Variants in GPNMB observed in about 807,000 individuals in gnomAD.
The protein encoded by GPNMB is glycoprotein nmb.
A neutral mutation model predicts 57.3 loss-of-function variants in GPNMB; 71 were observed. That is an observed-to-expected ratio of 1.24 (90% CI 1.02 to 1.51). The LOEUF (loss-of-function observed/expected upper bound fraction) is 1.51. Among genes scored for constraint, GPNMB ranks in the 40% most tolerant of loss-of-function variants. GPNMB has a pLI of 0.00. For missense variants in GPNMB, 677 were observed against 691.9 expected (o/e 0.98, Z 0.24); for synonymous variants, 253 against 263.2 (o/e 0.96, Z 0.38).
intron 2 of GPNMB, among the ~76,000 whole-genome samples, chr7:23,253,906 C>T (rs1343337330): frequency 6.6e-6 from 1 of 152,148 alleles, no homozygotes; most frequent in Non-Finnish European, 1.5e-5. Flanking sequence ...CTCCTTAACC[C>T]AACAGAGCTG....
chr7:23,260,666 T>C lies in GPNMB; in HGVS notation c.911T>C (p.Val304Ala), dbSNP rs1295470064. Residue 304 changes from valine (V) to alanine (A), a missense_variant, in exon 6 of 11, where the codon GTG becomes GCG. By Grantham distance (64) the Val-to-Ala change is moderately conservative. Transcript: ENST00000258733. The part of the protein sequence containing the change: ...STNHTVNHTY[V>A]LNGTFSLNLT... ...AATCATACTGTGAATCACACGTATG[T>C]GCTCAATGGAACCTTCAGCCTTAAC... The C allele has an allele frequency of 1.2e-6, 2 of 1,613,672 alleles. No individual in the cohort carries two copies. Among genetic ancestry groups the C allele is most frequent in the Non-Finnish European group, 1.7e-6 (2 of 1,179,686 alleles).
rs752196954 is a variant in GPNMB, at chr7:23,269,956, C to G, written c.1221-11C>G. The G allele has an allele frequency of 3.1e-6, 5 of 1,610,796 alleles. No individual in the cohort carries two copies. In the East Asian group the frequency reaches 1.1e-4, roughly 36 times the overall value. On this transcript the variant is annotated splice_polypyrimidine_tract_variant and intron_variant, in intron 8 of 10. Coordinates refer to ENST00000258733, the MANE Select transcript of GPNMB (RefSeq NM_002510.3). ...TGCCCTGTGCGCCCTCGCCCACCTCCCCTGTCGCAGCATTCCCACGGAGGT... is the reference window on the plus strand; with the variant it reads ...TGCCCTGTGCGCCCTCGCCCACCTCGCCTGTCGCAGCATTCCCACGGAGGT...
At chr7:23,254,499 T>C (rs1196586873) in intron 3 of GPNMB, among the ~76,000 whole-genome samples, 187 bp downstream of exon 3, 1 of 152,206 alleles carries the variant, frequency 6.6e-6, no homozygotes, top group African/African-American at 2.4e-5. Context: ...CAGCCAGACC[T>C]ACTGCAGCAA....
At chr7:23,273,292 TCTCCCC>T in intron 9 of GPNMB, 1 of 484,910 alleles carries the variant, frequency 2.1e-6, no homozygotes, top group South Asian at 2.8e-5. Context: ...ACGTGACATC[TCTCCCC>T]CGCGCCCTTA....
Position 23,260,131 on chromosome 7 carries a change from G to A in GPNMB, c.693G>A (p.Val231=), listed in dbSNP as rs142690489. The A allele has an allele frequency of 5.9e-5, 96 of 1,613,846 alleles. 1 individual carries two copies. The highest frequency in any genetic ancestry group is 5.0e-4 in the Admixed American group (30 of 60,012). The change falls in exon 5 of 11, where the codon GTG becomes GTA. Residue 231 remains valine, a synonymous_variant. Transcript: ENST00000258733. ...TCGCACAAGTGAAAGATGTGTACGT[G>A]GTAACAGGTGAGTGGTGTGAACTCT... ...VPIAQVKDVY[V]VTDQIPVFVT... is the part of the protein sequence containing the mutation.
At chr7:23,255,465 A>C (rs1782754724) in intron 3 of GPNMB, among the ~76,000 whole-genome samples, 1 of 152,204 alleles carries the variant, frequency 6.6e-6, no homozygotes, top group African/African-American at 2.4e-5. Context: ...ATTGATGGAT[A>C]CTTAATTTGG....
At chr7:23,268,281 A>G (rs892777764) in intron 8 of GPNMB, among the ~76,000 whole-genome samples, 19 of 152,306 alleles carry the variant, frequency 1.2e-4, no homozygotes, top group South Asian at 4.1e-4. Flanking sequence ...CTGTTCTCAT[A>G]TTGAATCCTC....
chr7:23,272,590 G>A (rs1783236726), intron 9 of GPNMB, among the ~76,000 whole-genome samples: 1 of 152,188 alleles, frequency 6.6e-6, no homozygotes. Context: ...GGGTTTCAAA[G>A]GCAGAATTTC....
chr7:23,265,409 T>C (rs113830119), intron 6 of GPNMB, among the ~76,000 whole-genome samples: 5,514 of 152,298 alleles, frequency 0.036, 299 homozygotes, highest in African/African-American at 0.12. Flanking sequence ...TCTTTCTAGA[T>C]TTTTTATCTT....
chr7:23,263,482 A>G (rs1333488320), intron 6 of GPNMB, among the ~76,000 whole-genome samples: 1 of 151,634 alleles, frequency 6.6e-6, no homozygotes, highest in Non-Finnish European at 1.5e-5. Flanking sequence ...TGTGGTGGAG[A>G]GTGTCTGTAA....
Position 23,254,790 on chromosome 7 carries a change from A to G in GPNMB, c.367+478A>G, listed in dbSNP as rs150746655. Among the ~76,000 whole-genome samples, 440 of 152,296 alleles carry G rather than the reference A, an allele frequency of 2.9e-3. 5 individuals are homozygous for G. The highest frequency in any genetic ancestry group is 0.019 in the Admixed American group (288 of 15,306). ...GGTTTTGCTTTGCTCTTAGTGAAAG[A>G]AATAAGCTCTCTATCTATGTTAAAG... On this transcript the variant is annotated intron_variant, in intron 3 of 10. Transcript: ENST00000258733.
At chr7:23,254,904 C>T (rs1782740688) in intron 3 of GPNMB, among the ~76,000 whole-genome samples, 1 of 152,164 alleles carries the variant, frequency 6.6e-6, no homozygotes, top group Non-Finnish European at 1.5e-5. Flanking sequence ...GATACCATGG[C>T]TCATGCCTGT....
At chr7:23,268,399 C>G (rs1464015570) in intron 8 of GPNMB, among the ~76,000 whole-genome samples, 1 of 152,158 alleles carries the variant, frequency 6.6e-6, no homozygotes, top group Admixed American at 6.5e-5. Flanking sequence ...GAGAGCAGCT[C>G]ACAGGAGTGC....
At chr7:23,261,546 C>T (rs1471555069) in intron 6 of GPNMB, among the ~76,000 whole-genome samples, 2 of 152,152 alleles carry the variant, frequency 1.3e-5, no homozygotes, top group African/African-American at 4.8e-5. Context: ...AAACCAAACG[C>T]CGCATGTTCT....
chr7:23,266,611 T>A lies in GPNMB; in HGVS notation c.1113T>A (p.Ile371=). The change falls in exon 7 of 11, where the codon ATT becomes ATA. Residue 371 remains isoleucine (I), a synonymous_variant. Transcript: ENST00000258733. ...GCCACTTTCAAGCCACCATCACAAT[T>A]GTAGGTAAGGCTGAAGATGATGACC... ...RYGHFQATIT[I]VEGILEVNII... 1 of 1,613,602 alleles carries A rather than the reference T, an allele frequency of 6.2e-7. No individual in the cohort carries two copies. The highest frequency in any genetic ancestry group is 2.2e-5 in the East Asian group (1 of 44,874).
In GPNMB at chr7:23,273,568, G is replaced by C; in HGVS notation, c.1477G>C (p.Gly493Arg). The C allele has an allele frequency of 1.2e-6, 2 of 1,613,910 alleles. No homozygotes were observed. The highest frequency in any genetic ancestry group is 2.2e-5 in the East Asian group (1 of 44,876). ...GGCAAACAGTGCCCTGATCTCCGTTGGCTGCTTGGCCATATTTGTCACTGT... is the reference window on the plus strand; with the variant it reads ...GGCAAACAGTGCCCTGATCTCCGTTCGCTGCTTGGCCATATTTGTCACTGT... ...RMANSALISV[G>R]CLAIFVTVIS... The change falls in exon 10 of 11, where the codon GGC becomes CGC. Residue 493 changes from glycine (G) to arginine (R), a missense_variant. By Grantham distance (125) the Gly-to-Arg change is moderately radical (BLOSUM62 -2). Coordinates refer to ENST00000258733, the MANE Select transcript of GPNMB (RefSeq NM_002510.3).
intron 10 of GPNMB, 41 bp downstream of exon 10, chr7:23,273,655 T>C (rs1436685353): frequency 2.5e-6 from 3 of 1,207,502 alleles, no homozygotes; most frequent in South Asian, 1.2e-5. Context: ...CTATAGTGTA[T>C]TGTCAAAAGT....
chr7:23,250,567 C>CA (rs11454349), intron 1 of GPNMB: 55,872 of 146,020 alleles, frequency 0.38, 10,500 homozygotes, highest in African/African-American at 0.43. Context: ...CCCATCTCTT[C>CA]AAAAAAAAAA....
chr7:23,274,581 C>T lies in GPNMB; in HGVS notation c.*357C>T, dbSNP rs946851542. 1.5e-4 allele frequency: 25 copies of T among 169,666 alleles called. No homozygotes were observed. Among genetic ancestry groups the T allele is most frequent in the Admixed American group, 2.4e-4 (4 of 16,596 alleles). The allele number at this position is 169,666 out of a possible 1,614,324, so 10.5% of individuals were successfully genotyped here. ...AACCCAGGTTAACTGCAAGAAGAGG[C>T]GGGATACTTTCAGCTTTCCATGTAA... On this transcript the variant is annotated 3_prime_UTR_variant, in exon 11 of 11. Coordinates refer to ENST00000258733, the MANE Select transcript of GPNMB (RefSeq NM_002510.3).
Sources: gnomAD v4.1 joint callset for allele counts (sites outside exome capture counted in the v4.1 genomes callset) on GRCh38, gnomAD v4.1.1 for gene constraint, MANE v1.5 for transcripts, NCBI Gene and HGNC (gene_info 2026-07-23, HGNC 2026-07-21) for gene names.